CDH23: variants seen among roughly 807,000 people sequenced by gnomAD.
CDH23 encodes cadherin-23.
CDH23 carries 189 observed loss-of-function variants against 317.1 expected under a neutral mutation model. That is an observed-to-expected ratio of 0.60 (90% CI 0.53 to 0.67). The LOEUF is 0.67. CDH23 is among the 30% of genes least tolerant of loss of function. CDH23 has a pLI of 0.00. For missense variants in CDH23, 4,401 were observed against 4,592.4 expected (o/e 0.96, Z 1.20); for synonymous variants, 1,839 against 1,876.8 (o/e 0.98, Z 0.52).
intron 21 of CDH23, 43 bp downstream of exon 21, chr10:71,694,302 C>T: frequency 6.8e-7 from 1 of 1,471,450 alleles, no homozygotes; most frequent in South Asian, 1.2e-5. Context: ...CCCTCGCCGG[C>T]CAGGCTGCTG....
At position 71,803,201 on chromosome 10, in the gene CDH23, A is replaced by G. The variant is rs754067214; in HGVS notation, c.7661-8A>G. 1.8e-5 allele frequency: 29 copies of G among 1,608,580 alleles called. No individual in the cohort carries two copies. In the East Asian group the frequency reaches 3.8e-4, roughly 21 times the overall value. On this transcript the variant is annotated splice_polypyrimidine_tract_variant and splice_region_variant and intron_variant, in intron 54 of 69. Transcript: ENST00000224721. ...CAACCAGAGCTACTCTCCTGCTCCCACTGCCAGAGGCCTTCCATGTGGACA... is the reference window on the plus strand; with the variant it reads ...CAACCAGAGCTACTCTCCTGCTCCCGCTGCCAGAGGCCTTCCATGTGGACA...
intron 3 of CDH23, among the ~76,000 whole-genome samples, chr10:71,461,067 C>T (rs1008969486): frequency 2.0e-5 from 3 of 152,236 alleles, no homozygotes; most frequent in Non-Finnish European, 2.9e-5. Context: ...CAAAGCCCCT[C>T]GTGGGGACCT....
At chr10:71,581,514 C>T (rs1439393312) in intron 9 of CDH23, among the ~76,000 whole-genome samples, 1 of 152,246 alleles carries the variant, frequency 6.6e-6, no homozygotes, top group Non-Finnish European at 1.5e-5. Flanking sequence ...ATCAGCCCCG[C>T]AGCTGTGGGG....
chr10:71,442,214 G>A (rs939298555), intron 2 of CDH23, among the ~76,000 whole-genome samples: 1 of 152,154 alleles, frequency 6.6e-6, no homozygotes, highest in African/African-American at 2.4e-5. Context: ...GTGTATGGTC[G>A]GCCTGCATGT....
At chr10:71,469,665 G>A (rs1851417609) in intron 3 of CDH23, among the ~76,000 whole-genome samples, 1 of 151,814 alleles carries the variant, frequency 6.6e-6, no homozygotes, top group Non-Finnish European at 1.5e-5. Flanking sequence ...GAGTGCAGTG[G>A]CACAATCTCA....
At chr10:71,505,261 A>G (rs77390858) in intron 3 of CDH23, among the ~76,000 whole-genome samples, 5,121 of 152,280 alleles carry the variant, frequency 0.034, 216 homozygotes, top group East Asian at 0.12. Flanking sequence ...GAGAGGTGCC[A>G]AAGCTGGGCT....
chr10:71,420,863 C>A (rs1450285848), intron 1 of CDH23, among the ~76,000 whole-genome samples: 1 of 152,054 alleles, frequency 6.6e-6, no homozygotes. Context: ...CTCGGCACCA[C>A]CCCCATCCGG....
At chr10:71,532,711 GT>G (rs531593760) in intron 6 of CDH23, among the ~76,000 whole-genome samples, 176 of 128,124 alleles carry the variant, frequency 1.4e-3, no homozygotes, top group Middle Eastern at 4.0e-3. Context: ...TTTTGTTTTT[GT>G]TTTTTTTTTT....
chr10:71,813,876 C>G (rs568736116), intron 69 of CDH23, among the ~76,000 whole-genome samples: 1 of 152,078 alleles, frequency 6.6e-6, no homozygotes, highest in Non-Finnish European at 1.5e-5. Flanking sequence ...CCACTGCACT[C>G]CATTGGGTGA....
chr10:71,786,942 C>G (rs1414876953), intron 44 of CDH23, among the ~76,000 whole-genome samples: 1 of 152,214 alleles, frequency 6.6e-6, no homozygotes, highest in Non-Finnish European at 1.5e-5. Flanking sequence ...CACTCTGCTG[C>G]TAACTCACCA....
intron 38 of CDH23, among the ~76,000 whole-genome samples, chr10:71,773,734 C>T (rs1212047097): frequency 2.6e-5 from 4 of 152,166 alleles, no homozygotes; most frequent in Non-Finnish European, 5.9e-5. Flanking sequence ...CCCGTTCTAC[C>T]GTCCCCCAGT....
intron 34 of CDH23, among the ~76,000 whole-genome samples, chr10:71,736,009 G>T (rs1161433602): frequency 6.6e-6 from 1 of 152,244 alleles, no homozygotes; most frequent in Non-Finnish European, 1.5e-5. Flanking sequence ...GGCCCACCTG[G>T]CCCTCACACA....
chr10:71,706,675 C>A (rs1463242783), intron 25 of CDH23, among the ~76,000 whole-genome samples: 1 of 152,234 alleles, frequency 6.6e-6, no homozygotes, highest in Non-Finnish European at 1.5e-5. Context: ...GGCACAGGGA[C>A]AGCGGGAGGG....
chr10:71,732,377 T>C lies in CDH23; in HGVS notation c.4104+2T>C. ...CTCTTCAAGATAGACGCCATCACGG[T>C]GAGGGGCTGGGGGCAGGGAGCACCA... On this transcript the variant is annotated splice_donor_variant, in intron 32 of 69. Coordinates refer to ENST00000224721, the MANE Select transcript of CDH23 (RefSeq NM_022124.6). LOFTEE classifies it high-confidence loss of function. 6.4e-7 allele frequency: 1 copy of C among 1,558,256 alleles called. No homozygotes were observed.
intron 3 of CDH23, among the ~76,000 whole-genome samples, chr10:71,457,141 G>A (rs754016333): frequency 1.4e-4 from 22 of 152,226 alleles, no homozygotes; most frequent in Non-Finnish European, 2.6e-4. Flanking sequence ...GTTGGGTTTT[G>A]ATAGGCTGAA....
At chr10:71,748,011 G>GTTCCCAGCATCCTGGTTAGCAACCCC (rs1322689633) in intron 38 of CDH23, 11 of 152,320 alleles carry the variant, frequency 7.2e-5, no homozygotes, top group Admixed American at 7.2e-4. Flanking sequence ...AGAGGCCTTT[G>GTTCCCAGCATCCTGGTTAGCAACCCC]TTCCCAGCAT....
At chr10:71,600,979 C>T (rs1018106996) in intron 9 of CDH23, among the ~76,000 whole-genome samples, 1 of 152,220 alleles carries the variant, frequency 6.6e-6, no homozygotes, top group African/African-American at 2.4e-5. Context: ...CTCACTCGAA[C>T]CCAAGATGTT....
At chr10:71,477,300 A>G (rs1851842656) in intron 3 of CDH23, among the ~76,000 whole-genome samples, 1 of 152,062 alleles carries the variant, frequency 6.6e-6, no homozygotes. Context: ...TCCCGAGCAG[A>G]TGGGATTACA....
chr10:71,597,457 C>T (rs929144471), intron 9 of CDH23, among the ~76,000 whole-genome samples: 1 of 152,146 alleles, frequency 6.6e-6, no homozygotes, highest in Non-Finnish European at 1.5e-5. Context: ...CTTCTCCCTC[C>T]CCACTCCCCA....
Sources: gnomAD v4.1 joint callset for allele counts (sites outside exome capture counted in the v4.1 genomes callset) on GRCh38, gnomAD v4.1.1 for gene constraint, MANE v1.5 for transcripts, NCBI Gene and HGNC (gene_info 2026-07-23, HGNC 2026-07-21) for gene names.